Variants in CSMD1 observed in about 807,000 individuals in gnomAD.
CSMD1 encodes CUB and sushi domain-containing protein 1.
Under a neutral mutation model 417.5 loss-of-function variants are expected in CSMD1, and 213 were observed. That is an observed-to-expected ratio of 0.51 (90% CI 0.46 to 0.57). The LOEUF (loss-of-function observed/expected upper bound fraction) is 0.57. Among genes scored for constraint, CSMD1 ranks in the 20% least tolerant of loss-of-function variants. The probability of loss-of-function intolerance (pLI) is 0.00; values close to 1 mark genes in which losing one functional copy is unlikely to be tolerated. For synonymous variants in CSMD1, 2,862 were observed against 1,736.8 expected, an observed-to-expected ratio of 1.65 and a Z score of -16.11; for missense variants, 6,923 against 4,529.7, an observed-to-expected ratio of 1.53 and a Z score of -15.17.
chr8:3,751,097 A>G (rs934236457), intron 6 of CSMD1, among the ~76,000 whole-genome samples: 7 of 152,058 alleles, frequency 4.6e-5, no homozygotes, highest in Admixed American at 2.6e-4. Flanking sequence ...CCCCTGTTCA[A>G]TGAGGACCAT....
At chr8:4,862,816 C>A (rs536543178) in intron 1 of CSMD1, among the ~76,000 whole-genome samples, 1 of 152,076 alleles carries the variant, frequency 6.6e-6, no homozygotes, top group South Asian at 2.1e-4. Context: ...TTTGGGGTAG[C>A]TAGAAAGTTG....
At chr8:4,628,612 T>TA (rs75006089) in intron 2 of CSMD1, among the ~76,000 whole-genome samples, 104,908 of 150,740 alleles carry the variant, frequency 0.7, 36,933 homozygotes, top group Admixed American at 0.79. Flanking sequence ...AAGAAAATGT[T>TA]AAAAAAAATG....
intron 5 of CSMD1, among the ~76,000 whole-genome samples, chr8:3,937,511 T>C (rs1033012025): frequency 6.6e-6 from 1 of 152,138 alleles, no homozygotes; most frequent in East Asian, 1.9e-4. Flanking sequence ...ATTGAAGGTT[T>C]AGATGATTGT....
At position 3,446,371 on chromosome 8, in the gene CSMD1, G is replaced by A. The variant is rs747927863; in HGVS notation, c.1561+22341C>T. ...TAGACTGTTTGCAAAATACACAAAT[G>A]TAAATATGGCTTTCAACTGAGGATC... On this transcript the variant is annotated intron_variant, in intron 12 of 69. Transcript: ENST00000635120. Among the ~76,000 whole-genome samples the A allele has an allele frequency of 1.3e-4, 20 of 152,204 alleles. 1 individual carries two copies. The highest frequency in any genetic ancestry group is 3.3e-4 in the Admixed American group (5 of 15,280).
intron 5 of CSMD1, among the ~76,000 whole-genome samples, chr8:3,776,661 C>T (rs1393510038): frequency 1.3e-5 from 2 of 152,096 alleles, no homozygotes; most frequent in African/African-American, 4.8e-5. Context: ...CCCTCCTTCC[C>T]ACCAAGGCAC....
intron 3 of CSMD1, among the ~76,000 whole-genome samples, chr8:4,229,951 G>T (rs529369902): frequency 6.6e-6 from 1 of 152,106 alleles, no homozygotes; most frequent in African/African-American, 2.4e-5. Context: ...CTAATATCAA[G>T]AGACTTTTAC....
At chr8:3,534,796 T>C (rs955820716) in intron 10 of CSMD1, among the ~76,000 whole-genome samples, 1 of 152,226 alleles carries the variant, frequency 6.6e-6, no homozygotes, top group Non-Finnish European at 1.5e-5. Flanking sequence ...TTGTTACAAA[T>C]TTCTCACACA....
intron 1 of CSMD1, among the ~76,000 whole-genome samples, chr8:4,647,299 G>C (rs964383405): frequency 1.1e-4 from 16 of 150,940 alleles, no homozygotes; most frequent in Non-Finnish European, 2.1e-4. Context: ...CAAACTGCAG[G>C]TTTGTTACAT....
chr8:3,582,350 G>C (rs1038886285), intron 9 of CSMD1, among the ~76,000 whole-genome samples: 4 of 152,072 alleles, frequency 2.6e-5, no homozygotes, highest in African/African-American at 9.7e-5. Context: ...GAAGCAAATT[G>C]AGACGCTACT....
chr8:4,140,097 A>C (rs1265694862), intron 3 of CSMD1, among the ~76,000 whole-genome samples: 1 of 151,112 alleles, frequency 6.6e-6, no homozygotes. Context: ...TCATGCCTAT[A>C]GTCCTAACAC....
At chr8:3,361,041 C>G (rs766110277) in intron 20 of CSMD1, among the ~76,000 whole-genome samples, 2 of 152,128 alleles carry the variant, frequency 1.3e-5, no homozygotes, top group Admixed American at 6.5e-5. Flanking sequence ...AAGCAATCTA[C>G]TCTGGATCTG....
At chr8:4,970,016 T>C (rs1340378334) in intron 1 of CSMD1, among the ~76,000 whole-genome samples, 8 of 152,124 alleles carry the variant, frequency 5.3e-5, no homozygotes, top group Admixed American at 5.2e-4. Context: ...ATTTCTGCAA[T>C]ACCTAAAAAT....
In CSMD1 at chr8:4,190,057, G is replaced by C. The variant is rs548715272; in HGVS notation, c.416-157958C>G. On this transcript the variant is annotated intron_variant, in intron 3 of 69. Coordinates refer to ENST00000635120, the MANE Select transcript of CSMD1 (RefSeq NM_033225.6). ...GTAGAACACGAGGTCAGGAGATCGA[G>C]ACCATCCTGGCTAACATGGTGAAAC... 2.0e-4 allele frequency among the ~76,000 whole-genome samples: 30 copies of C among 151,870 alleles called. No homozygotes were observed. The South Asian group carries it at 6.3e-3, about 32-fold the overall frequency.
chr8:3,973,244 G>A (rs983699520), intron 5 of CSMD1, among the ~76,000 whole-genome samples: 1 of 152,170 alleles, frequency 6.6e-6, no homozygotes, highest in African/African-American at 2.4e-5. Flanking sequence ...CTGGCAGGTG[G>A]GAGTGAGAGC....
chr8:4,397,033 A>T (rs897772198), intron 3 of CSMD1, among the ~76,000 whole-genome samples: 1 of 147,526 alleles, frequency 6.8e-6, no homozygotes, highest in Non-Finnish European at 1.5e-5. Context: ...ATGAAATTAA[A>T]AAAAAAATAA....
chr8:3,970,335 C>T (rs898791405), intron 5 of CSMD1, among the ~76,000 whole-genome samples: 3 of 152,132 alleles, frequency 2.0e-5, no homozygotes, highest in African/African-American at 7.2e-5. Context: ...GAATCCTATA[C>T]CAGCATAAGA....
intron 1 of CSMD1, among the ~76,000 whole-genome samples, chr8:4,652,279 C>T (rs928986904): frequency 2.0e-5 from 3 of 152,094 alleles, no homozygotes; most frequent in Admixed American, 2.0e-4. Context: ...ATTTATACTT[C>T]GAGACCAGGA....
intron 7 of CSMD1, among the ~76,000 whole-genome samples, chr8:3,673,517 C>G (rs987009576): frequency 6.6e-6 from 1 of 152,178 alleles, no homozygotes; most frequent in Non-Finnish European, 1.5e-5. Flanking sequence ...AAACATTTTA[C>G]AGGAGAAAGT....
At chr8:4,900,375 G>C (rs1023343787) in intron 1 of CSMD1, among the ~76,000 whole-genome samples, 5 of 152,114 alleles carry the variant, frequency 3.3e-5, no homozygotes, top group Non-Finnish European at 7.3e-5. Context: ...AGCAACCCTT[G>C]ACGAACCTCC....
Sources: gnomAD v4.1 joint callset for allele counts (sites outside exome capture counted in the v4.1 genomes callset) on GRCh38, gnomAD v4.1.1 for gene constraint, MANE v1.5 for transcripts, NCBI Gene and HGNC (gene_info 2026-07-23, HGNC 2026-07-21) for gene names.